The following CNTNAP4 variants were observed in gnomAD, a reference collection of about 807,000 sequenced individuals.
CNTNAP4 encodes contactin associated protein family member 4.
CNTNAP4 carries 98 observed loss-of-function variants against 148.4 expected under a neutral mutation model. That is an observed-to-expected ratio of 0.66 (90% CI 0.56 to 0.78). The LOEUF is 0.78. Among genes scored for constraint, CNTNAP4 ranks in the 30% least tolerant of loss-of-function variants. The probability of loss-of-function intolerance (pLI) is 0.00; values close to 1 mark genes in which losing one functional copy is unlikely to be tolerated. For missense variants in CNTNAP4, 1,935 were observed against 1,565.6 expected (o/e 1.24, Z -3.98); for synonymous variants, 730 against 565.1 (o/e 1.29, Z -4.14).
chr16:76,460,753 C>CAAAAAAAAAAAAAA lies in CNTNAP4; in HGVS notation c.1334-1195_1334-1182dup, dbSNP rs1158805627. On this transcript the variant is annotated intron_variant, in intron 8 of 23. Coordinates refer to ENST00000611870, the MANE Select transcript of CNTNAP4 (RefSeq NM_033401.5). Reference sequence around the variant, plus strand: ...GGGCGACAGAGCCAGACTCATGTCTCAAAAAAAAAAAAAAAAAAAAATATA... The same window carrying CAAAAAAAAAAAAAA: ...GGGCGACAGAGCCAGACTCATGTCTCAAAAAAAAAAAAAAAAAAAAAAAAAAAAAAAAAAATATA... Among the ~76,000 whole-genome samples, 15 of 15,516 alleles carry CAAAAAAAAAAAAAA rather than the reference C, an allele frequency of 9.7e-4. 4 individuals are homozygous for CAAAAAAAAAAAAAA. Among genetic ancestry groups the CAAAAAAAAAAAAAA allele is most frequent in the African/African-American group, 2.1e-3 (10 of 4,796 alleles). 10.2% of individuals were successfully genotyped at this position (15,516 alleles called of 152,430 possible). A position where few individuals can be genotyped will look rare whatever the true frequency, so the allele number is the denominator to read the frequency against.
chr16:76,508,241 T>C lies in CNTNAP4; in HGVS notation c.2365+9547T>C, dbSNP rs146259125. 1.1e-3 allele frequency among the ~76,000 whole-genome samples: 63 copies of C among 58,632 alleles called. 24 individuals carry two copies. The highest frequency in any genetic ancestry group is 3.1e-3 in the Non-Finnish European group (55 of 17,758). The allele number at this position is 58,632 out of a possible 152,430, so 38.5% of individuals were successfully genotyped here. On this transcript the variant is annotated intron_variant, in intron 15 of 23. Coordinates refer to ENST00000611870, the MANE Select transcript of CNTNAP4 (RefSeq NM_033401.5). ...TATTAGTAAGAGACATGAATACATT[T>C]TTGGTTCTATAAGCAATTAAGTAAA...
chr16:76,462,639 C>T (rs141432101), intron 9 of CNTNAP4, among the ~76,000 whole-genome samples: 2 of 152,246 alleles, frequency 1.3e-5, no homozygotes, highest in East Asian at 1.9e-4. Flanking sequence ...AGCTCATCTC[C>T]CTTAGAGAAC....
Position 76,498,650 on chromosome 16 carries a change from C to T in CNTNAP4, c.2321C>T (p.Ser774Leu). 6.2e-7 allele frequency: 1 copy of T among 1,612,916 alleles called. No individual in the cohort carries two copies. The highest frequency in any genetic ancestry group is 1.1e-5 in the South Asian group (1 of 90,760). ...IVITDTGRLH[S>L]EAAYKLGPLL... ...ATTACAGACACAGGCCGACTGCATT[C>T]AGAAGCAGCTTATAAACTGGGGCCT... Residue 774 changes from serine (S) to leucine (L), a missense_variant, in exon 15 of 24, where the codon TCA becomes TTA. Transcript: ENST00000611870.
At chr16:76,425,510 A>G (rs975423344) in intron 3 of CNTNAP4, among the ~76,000 whole-genome samples, 4 of 152,176 alleles carry the variant, frequency 2.6e-5, no homozygotes, top group Non-Finnish European at 5.9e-5. Flanking sequence ...AGGATAAGAT[A>G]AACAGGCAGA....
intron 21 of CNTNAP4, among the ~76,000 whole-genome samples, chr16:76,545,192 AT>A (rs1170038765): frequency 6.6e-6 from 1 of 152,166 alleles, no homozygotes; most frequent in African/African-American, 2.4e-5. Flanking sequence ...TTGATTTTTA[AT>A]TTTTTTAATA....
At chr16:76,333,360 A>T (rs956959357) in intron 2 of CNTNAP4, among the ~76,000 whole-genome samples, 1 of 152,170 alleles carries the variant, frequency 6.6e-6, no homozygotes, top group African/African-American at 2.4e-5. Flanking sequence ...TCTCTGCTCA[A>T]ATCTGCTGTT....
chr16:76,294,898 C>T (rs1346793636), intron 1 of CNTNAP4, among the ~76,000 whole-genome samples: 1 of 152,170 alleles, frequency 6.6e-6, no homozygotes, highest in Non-Finnish European at 1.5e-5. Context: ...CTCAGATACA[C>T]AATGCTTTTG....
chr16:76,353,117 C>T (rs1465377734), intron 2 of CNTNAP4, among the ~76,000 whole-genome samples: 2 of 152,086 alleles, frequency 1.3e-5, no homozygotes, highest in Non-Finnish European at 2.9e-5. Flanking sequence ...AACGCATAAA[C>T]AAAACTTGTA....
At chr16:76,377,258 A>T (rs563661363) in intron 3 of CNTNAP4, among the ~76,000 whole-genome samples, 1 of 152,292 alleles carries the variant, frequency 6.6e-6, no homozygotes, top group Non-Finnish European at 1.5e-5. Flanking sequence ...AATCTCATTT[A>T]AAAATACCTT....
At chr16:76,539,902 T>C (rs775103710) in intron 20 of CNTNAP4, 50 bp downstream of exon 20, 3 of 1,402,444 alleles carry the variant, frequency 2.1e-6, no homozygotes, top group Non-Finnish European at 9.6e-7. Context: ...CTCTCCAGCA[T>C]GAAGGATCTC....
At chr16:76,355,565 T>C (rs2012492483) in intron 3 of CNTNAP4, 54 bp downstream of exon 3, 1 of 1,277,974 alleles carries the variant, frequency 7.8e-7, no homozygotes, top group Non-Finnish European at 1.0e-6. Flanking sequence ...TAATCAGTAC[T>C]GCATCTTGTT....
Position 76,358,848 on chromosome 16 carries a change from G to GTATA in CNTNAP4, c.390+3347_390+3350dup, listed in dbSNP as rs35234186. 6.3e-4 allele frequency among the ~76,000 whole-genome samples: 96 copies of GTATA among 151,302 alleles called. 1 individual carries two copies. Among genetic ancestry groups the GTATA allele is most frequent in the Admixed American group, 2.2e-3 (34 of 15,170 alleles). The stretch of plus-strand genomic sequence containing the variant: ...TCTCTGAAAGTATACGTATGTGTGT[G>GTATA]TATATATATATATGTATGTGTATAT... On this transcript the variant is annotated intron_variant, in intron 3 of 23. Transcript: ENST00000611870.
intron 17 of CNTNAP4, among the ~76,000 whole-genome samples, chr16:76,523,550 G>GA (rs1170565870): frequency 6.6e-6 from 1 of 152,098 alleles, no homozygotes; most frequent in African/African-American, 2.4e-5. Flanking sequence ...TATGGACCAT[G>GA]AATTATCTCT....
At chr16:76,507,447 A>G (rs2082871967) in intron 15 of CNTNAP4, among the ~76,000 whole-genome samples, 2 of 96,720 alleles carry the variant, frequency 2.1e-5, no homozygotes, top group African/African-American at 2.6e-5. Context: ...TCATTTTTAG[A>G]CCTCACAAAT....
rs533572443 is a variant in CNTNAP4 at position 76,559,246 on chromosome 16, G to C, written c.*563G>C. ...CAATAGTCTTGAAAAATGTTTTGCTGTCTTTGCTTTGTTTGTATTGCTCAT... is the reference window on the plus strand; with the variant it reads ...CAATAGTCTTGAAAAATGTTTTGCTCTCTTTGCTTTGTTTGTATTGCTCAT... On this transcript the variant is annotated 3_prime_UTR_variant, in exon 24 of 24. Coordinates refer to ENST00000611870, the MANE Select transcript of CNTNAP4 (RefSeq NM_033401.5). 6.6e-6 allele frequency: 1 copy of C among 152,096 alleles called. No homozygotes were observed. Among genetic ancestry groups the C allele is most frequent in the Non-Finnish European group, 1.5e-5 (1 of 67,990 alleles). The allele number at this position is 152,096 out of a possible 1,614,324, so 9.4% of individuals were successfully genotyped here.
At chr16:76,293,520 C>A (rs1290209270) in intron 1 of CNTNAP4, among the ~76,000 whole-genome samples, 1 of 152,014 alleles carries the variant, frequency 6.6e-6, no homozygotes, top group Non-Finnish European at 1.5e-5. Flanking sequence ...ATGGTTTACA[C>A]AAGTAACAAA....
At chr16:76,292,737 T>C (rs921356368) in intron 1 of CNTNAP4, among the ~76,000 whole-genome samples, 4 of 152,128 alleles carry the variant, frequency 2.6e-5, no homozygotes, top group African/African-American at 7.2e-5. Flanking sequence ...GAAGAAAAAA[T>C]AGGCATCTTA....
chr16:76,516,184 CAT>C (rs1171940132), intron 15 of CNTNAP4, among the ~76,000 whole-genome samples: 3 of 138,758 alleles, frequency 2.2e-5, no homozygotes, highest in African/African-American at 8.0e-5. Context: ...CAAGTGATAA[CAT>C]GTGGTGTTTG....
At chr16:76,510,208 G>A (rs879929210) in intron 15 of CNTNAP4, among the ~76,000 whole-genome samples, 6 of 151,314 alleles carry the variant, frequency 4.0e-5, no homozygotes, top group Non-Finnish European at 5.9e-5. Flanking sequence ...CTACAGACTT[G>A]CATATTCTGA....
Sources: gnomAD v4.1 joint callset for allele counts (sites outside exome capture counted in the v4.1 genomes callset) on GRCh38, gnomAD v4.1.1 for gene constraint, MANE v1.5 for transcripts, NCBI Gene and HGNC (gene_info 2026-07-23, HGNC 2026-07-21) for gene names.